Variants in MAGEA4 observed in about 807,000 individuals in gnomAD.
The protein encoded by MAGEA4 is MAGE family member A4.
MAGEA4 carries 1 observed loss-of-function variant against 13.7 expected under a neutral mutation model. The ratio of observed to expected loss-of-function variants is 0.07; its 90% CI spans 0.03 to 0.35. The LOEUF (loss-of-function observed/expected upper bound fraction) is 0.35. Ranked by LOEUF, MAGEA4 falls within the 10% of genes least tolerant of loss-of-function variation. The probability of loss-of-function intolerance (pLI) is 0.99; values close to 1 mark genes in which losing one functional copy is unlikely to be tolerated. For missense variants in MAGEA4, 312 were observed against 245.1 expected (o/e 1.27, Z -1.82); for synonymous variants, 132 against 101.1 (o/e 1.31, Z -1.83).
upstream of MAGEA4, chrX:151,912,571 G>A (rs753394046): frequency 1.1e-5 from 4 of 351,156 alleles, no homozygotes; most frequent in East Asian, 3.2e-4. Context: ...AGGCGTCAAA[G>A]TCAGGACCCT....
At chrX:151,919,339 A>G (rs1933278544) in intron 1 of MAGEA4, among the ~76,000 whole-genome samples, 2 of 66,412 alleles carry the variant, frequency 3.0e-5, no homozygotes, top group African/African-American at 1.2e-4. Flanking sequence ...TACTATTTGC[A>G]CTCCCAAACC....
rs763594807 is a variant in MAGEA4 at position 151,923,474 on chromosome X, C to T, written c.-116C>T. 145 of 1,192,876 alleles carry T rather than the reference C, an allele frequency of 1.2e-4. No individual in the cohort carries two copies. The South Asian group carries it at 1.6e-3, about 13-fold the overall frequency. ...TCAGGTTCTGAGCAGACAGGCCAAC[C>T]GGAGGACAGGATTCCCTGGAGGCCA... On this transcript the variant is annotated 5_prime_UTR_variant, in exon 2 of 3. Transcript: ENST00000276344.
chrX:151,923,938 G>C lies in MAGEA4; in HGVS notation c.274G>C (p.Glu92Gln). 1 of 1,211,638 alleles carries C rather than the reference G, an allele frequency of 8.3e-7. No homozygotes were observed. Among genetic ancestry groups the C allele is most frequent in the East Asian group, 3.0e-5 (1 of 33,829 alleles). ...ACCCAATGAGGGTTCCAGCAGCCAA[G>C]AAGAGGAGGGGCCAAGCACCTCGCC... ...RQPNEGSSSQ[E>Q]EEGPSTSPDA... The change falls in exon 3 of 3, where the codon GAA (glutamate) becomes CAA (glutamine). Residue 92 changes from glutamate to glutamine, a missense_variant. By Grantham distance (29) the Glu-to-Gln change is conservative (BLOSUM62 2). Transcript: ENST00000276344.
Position 151,923,768 on chromosome X carries a change from A to G in MAGEA4, c.104A>G (p.Glu35Gly), listed in dbSNP as rs1339350323. Reference protein sequence around the residue: ...LVGAQAPTTEEQEAAVSSSSP... With the variant: ...LVGAQAPTTEGQEAAVSSSSP... The stretch of plus-strand genomic sequence containing the variant: ...GGTGCACAGGCTCCTACTACTGAGG[A>G]GCAGGAGGCTGCTGTCTCCTCCTCC... Residue 35 changes from glutamate (E) to glycine (G), a missense_variant, in exon 3 of 3, where the codon GAG (glutamate) becomes GGG (glycine). Coordinates refer to ENST00000276344, the MANE Select transcript of MAGEA4 (RefSeq NM_001011548.1). 1 of 1,208,682 alleles carries G rather than the reference A, an allele frequency of 8.3e-7. No individual in the cohort carries two copies. The highest frequency in any genetic ancestry group is 1.8e-5 in the African/African-American group (1 of 56,788).
chrX:151,918,023 C>T (rs1168950938), intron 1 of MAGEA4, among the ~76,000 whole-genome samples: 2 of 68,434 alleles, frequency 2.9e-5, no homozygotes, highest in East Asian at 9.4e-4. Context: ...AGCACTCCTC[C>T]TCGACCCCCC....
At chrX:151,919,209 G>T (rs1933266530) in intron 1 of MAGEA4, among the ~76,000 whole-genome samples, 1 of 106,266 alleles carries the variant, frequency 9.4e-6, no homozygotes, top group Non-Finnish European at 1.9e-5. Flanking sequence ...GTCCGAGCTT[G>T]GGGTGGTTAG....
intron 1 of MAGEA4, among the ~76,000 whole-genome samples, chrX:151,921,033 G>A (rs1195991474): frequency 8.9e-6 from 1 of 112,129 alleles, no homozygotes; most frequent in Non-Finnish European, 1.9e-5. Context: ...TCAGGGAAGG[G>A]CTGGTTAGGA....
In MAGEA4 at chrX:151,923,960, C is replaced by T. The variant is rs200774631; in HGVS notation, c.296C>T (p.Ser99Leu). 1.6e-5 allele frequency: 19 copies of T among 1,209,959 alleles called. No homozygotes were observed. Among genetic ancestry groups the T allele is most frequent in the Non-Finnish European group, 1.9e-5 (17 of 895,121 alleles). Residue 99 changes from serine to leucine, a missense_variant, in exon 3 of 3, where the codon TCG becomes TTG. Transcript: ENST00000276344. ...CAAGAAGAGGAGGGGCCAAGCACCT[C>T]GCCTGACGCAGAGTCCTTGTTCCGA... ...SSQEEEGPST[S>L]PDAESLFREA...
At position 151,923,658 on chromosome X, in the gene MAGEA4, A is replaced by G; in HGVS notation, c.-7A>G. 1 of 1,211,083 alleles carries G rather than the reference A, an allele frequency of 8.3e-7. No homozygotes were observed. Among genetic ancestry groups the G allele is most frequent in the South Asian group, 1.8e-5 (1 of 56,975 alleles). ...CACTCTTGCCTGCTGCCCTGACCAG[A>G]GTCATCATGTCTTCTGAGCAGAAGA... is the stretch of plus-strand genomic sequence containing the variant. On this transcript the variant is annotated 5_prime_UTR_variant, in exon 3 of 3. Transcript: ENST00000276344.
Position 151,924,729 on chromosome X carries a change from T to A in MAGEA4, c.*111T>A. 4 of 820,586 alleles carry A rather than the reference T, an allele frequency of 4.9e-6. No homozygotes were observed. Among genetic ancestry groups the A allele is most frequent in the Non-Finnish European group, 6.7e-6 (4 of 595,452 alleles). The allele number at this position is 820,586 out of a possible 1,213,427, so 67.6% of individuals were successfully genotyped here. ...GTGTAACATGAGGCCCATTCTTCAC[T>A]CTGTTTGAAGAAAATAGTCAGTGTT... On this transcript the variant is annotated 3_prime_UTR_variant, in exon 3 of 3. Transcript: ENST00000276344.
intron 1 of MAGEA4, chrX:151,919,791 C>G: frequency 2.7e-6 from 2 of 743,035 alleles, no homozygotes; most frequent in Non-Finnish European, 3.2e-6. Context: ...TCCCGAACCA[C>G]TCATGCTCCC....
rs751211785 is a variant in MAGEA4 at position 151,924,531 on chromosome X, G to A, written c.867G>A (p.Glu289=). The stretch of plus-strand genomic sequence containing the variant: ...AAACCAGCTATGTGAAAGTCCTGGA[G>A]CATGTGGTCAGGGTCAATGCAAGAG... ...LAETSYVKVL[E]HVVRVNARVR... Residue 289 remains glutamate (E), a synonymous_variant, in exon 3 of 3, where the codon GAG becomes GAA. Coordinates refer to ENST00000276344, the MANE Select transcript of MAGEA4 (RefSeq NM_001011548.1). The A allele has an allele frequency of 1.8e-5, 22 of 1,209,905 alleles. No individual in the cohort carries two copies. The highest frequency in any genetic ancestry group is 2.3e-5 in the Non-Finnish European group (21 of 895,093).
upstream of MAGEA4, chrX:151,912,675 C>G: frequency 4.3e-6 from 1 of 233,321 alleles, no homozygotes; most frequent in Admixed American, 5.1e-5. Context: ...CCCTCATCCC[C>G]TACCAGCACC....
chrX:151,919,276 G>A (rs1307331849), intron 1 of MAGEA4, among the ~76,000 whole-genome samples: 6 of 97,903 alleles, frequency 6.1e-5, no homozygotes, highest in African/African-American at 1.9e-4. Context: ...CCTAAGAGAG[G>A]GCTAAGCGTA....
intron 1 of MAGEA4, among the ~76,000 whole-genome samples, chrX:151,921,308 G>A (rs761050928): frequency 1.3e-4 from 15 of 112,329 alleles, no homozygotes; most frequent in Admixed American, 4.7e-4. Flanking sequence ...AGTTGAGATC[G>A]GCTGAGGGGA....
upstream of MAGEA4, chrX:151,912,498 G>A (rs746927418): frequency 1.1e-5 from 4 of 360,574 alleles, no homozygotes; most frequent in East Asian, 1.6e-4. Flanking sequence ...CCAGCAACTC[G>A]AGATCCACGG....
intron 1 of MAGEA4, among the ~76,000 whole-genome samples, chrX:151,920,093 C>T (rs758165548): frequency 9.3e-6 from 1 of 107,001 alleles, no homozygotes; most frequent in East Asian, 3.0e-4. Context: ...TCCTCATCCC[C>T]CACCCCAACA....
rs1603080669 is a variant in MAGEA4 at position 151,924,903 on chromosome X, A to G, written c.*285A>G. 8 of 260,648 alleles carry G rather than the reference A, an allele frequency of 3.1e-5. No homozygotes were observed. The East Asian group carries it at 5.7e-4, about 19-fold the overall frequency. 21.5% of individuals were successfully genotyped at this position (260,648 alleles called of 1,213,427 possible). On this transcript the variant is annotated 3_prime_UTR_variant, in exon 3 of 3. Transcript: ENST00000276344. ...GTAGTTAACGTATATTGCTGTTAAT[A>G]TAGTTTAGGAGTAAGAGTCTTGTTT...
chrX:151,923,605 T>C lies in MAGEA4; in HGVS notation c.-60T>C. On this transcript the variant is annotated 5_prime_UTR_variant, in exon 3 of 3. Transcript: ENST00000276344. Reference sequence around the variant, plus strand: ...CATGCTCCCTCTCTCCGTAGGCCTGTGGGTCCCCATTGCCCAGCTTTTGCC... The same window carrying C: ...CATGCTCCCTCTCTCCGTAGGCCTGCGGGTCCCCATTGCCCAGCTTTTGCC... The C allele has an allele frequency of 1.7e-6, 2 of 1,211,105 alleles. No homozygotes were observed. Among genetic ancestry groups the C allele is most frequent in the South Asian group, 1.8e-5 (1 of 57,016 alleles).
Sources: allele counts gnomAD v4.1 joint callset (sites outside exome capture counted in the v4.1 genomes callset), GRCh38; gene constraint gnomAD v4.1.1; transcripts MANE v1.5; gene names NCBI Gene and HGNC (gene_info 2026-07-23, HGNC 2026-07-21).